The following ALG14 variants were observed in gnomAD, a reference collection of about 807,000 sequenced individuals.
ALG14 encodes the protein UDP-N-acetylglucosamine transferase subunit ALG14.
A neutral mutation model predicts 22.8 loss-of-function variants in ALG14; 17 were observed. The ratio of observed to expected loss-of-function variants is 0.75; its 90% CI spans 0.51 to 1.12. The LOEUF is 1.12. ALG14 is among the 50% of genes most tolerant of loss of function. The pLI, the probability that ALG14 is intolerant of heterozygous loss-of-function variation, is 0.00. For synonymous variants in ALG14, 89 were observed against 103.7 expected, an observed-to-expected ratio of 0.86 and a Z score of 0.86; for missense variants, 288 against 271.8, an observed-to-expected ratio of 1.06 and a Z score of -0.42.
chr1:95,026,592 G>A (rs936298911), intron 3 of ALG14, among the ~76,000 whole-genome samples: 5 of 151,938 alleles, frequency 3.3e-5, no homozygotes, highest in South Asian at 2.1e-4. Context: ...ATGTAAGCAC[G>A]ATTCACACTG....
intron 2 of ALG14, among the ~76,000 whole-genome samples, chr1:95,057,754 G>C (rs558113728): frequency 1.3e-5 from 2 of 151,578 alleles, no homozygotes; most frequent in African/African-American, 4.8e-5. Context: ...AAGAAAGATC[G>C]TAAGAGTCCA....
chr1:95,038,327 A>G (rs944569481), intron 2 of ALG14, among the ~76,000 whole-genome samples: 1 of 152,152 alleles, frequency 6.6e-6, no homozygotes, highest in Non-Finnish European at 1.5e-5. Flanking sequence ...TGTCTCTACT[A>G]AAAATACAAA....
At chr1:95,013,672 A>G (rs991417218) in intron 3 of ALG14, among the ~76,000 whole-genome samples, 4 of 152,102 alleles carry the variant, frequency 2.6e-5, no homozygotes, top group African/African-American at 4.8e-5. Flanking sequence ...GATATCTACA[A>G]TGTTTTGCCA....
In ALG14 at chr1:94,981,410, T is replaced by C. The variant is rs1418519261; in HGVS notation, c.*1666A>G. 1 of 150,612 alleles carries C rather than the reference T, an allele frequency of 6.6e-6. No individual in the cohort carries two copies. The allele number at this position is 150,612 out of a possible 1,614,324, so 9.3% of individuals were successfully genotyped here. A position where few individuals can be genotyped will look rare whatever the true frequency, so the allele number is the denominator to read the frequency against. Reference sequence around the variant, plus strand: ...CCTAGGAAGATGTCCGGCTGACAGATGCGCCTGTTACATGATTCAGAGAAG... The same window carrying C: ...CCTAGGAAGATGTCCGGCTGACAGACGCGCCTGTTACATGATTCAGAGAAG... On this transcript the variant is annotated 3_prime_UTR_variant, in exon 4 of 4. Coordinates refer to ENST00000370205, the MANE Select transcript of ALG14 (RefSeq NM_144988.4).
intron 3 of ALG14, among the ~76,000 whole-genome samples, chr1:94,989,633 G>A (rs1175004038): frequency 1.3e-5 from 2 of 152,190 alleles, no homozygotes; most frequent in African/African-American, 2.4e-5. Context: ...CAGCTGCAGC[G>A]TTCACTGTCC....
chr1:94,983,532 C>G (rs2100709649), intron 3 of ALG14: 1 of 532,932 alleles, frequency 1.9e-6, no homozygotes, highest in African/African-American at 1.9e-5. Context: ...CTGTGTGACT[C>G]AGGGCAAATC....
intron 2 of ALG14, among the ~76,000 whole-genome samples, chr1:95,030,202 C>A (rs968248153): frequency 2.6e-5 from 4 of 152,122 alleles, no homozygotes; most frequent in African/African-American, 9.7e-5. Context: ...ATATTAATAT[C>A]TCTGCAACAA....
intron 3 of ALG14, among the ~76,000 whole-genome samples, chr1:94,990,580 C>T (rs1178060015): frequency 1.3e-5 from 2 of 152,226 alleles, no homozygotes; most frequent in African/African-American, 4.8e-5. Context: ...TATACAACTA[C>T]ATCCATTCCA....
In ALG14 at chr1:95,005,773, T is replaced by C. The variant is rs116012205; in HGVS notation, c.420+21356A>G. On this transcript the variant is annotated intron_variant, in intron 3 of 3. Coordinates refer to ENST00000370205, the MANE Select transcript of ALG14 (RefSeq NM_144988.4). ...TAAGGGGAGCTTACAGGGGGATTTG[T>C]GTTTGTTATGGTGACTAAGGGGTGC... Among the ~76,000 whole-genome samples the C allele has an allele frequency of 8.0e-3, 1,219 of 152,276 alleles. 14 individuals are homozygous for C. Among genetic ancestry groups the C allele is most frequent in the African/African-American group, 0.028 (1,170 of 41,548 alleles).
intron 2 of ALG14, among the ~76,000 whole-genome samples, chr1:95,045,771 G>T (rs1674528103): frequency 7.2e-6 from 1 of 138,792 alleles, no homozygotes; most frequent in African/African-American, 2.7e-5. Context: ...TATACTAATA[G>T]AATGGCATAC....
intron 3 of ALG14, among the ~76,000 whole-genome samples, chr1:95,026,495 TGTGTGTGTATGTGTGTGTGA>T (rs1224597339): frequency 1.3e-4 from 20 of 152,014 alleles, no homozygotes; most frequent in African/African-American, 4.6e-4. Flanking sequence ...TGTGTGTGTG[TGTGTGTGTATGTGTGTGTGA>T]GACAGAGAGA....
chr1:94,995,840 T>C (rs1057069372), intron 3 of ALG14, among the ~76,000 whole-genome samples: 4 of 152,228 alleles, frequency 2.6e-5, no homozygotes, highest in African/African-American at 9.6e-5. Context: ...CCTTTAATTG[T>C]CCATCACACA....
chr1:95,069,033 C>T (rs1008076699), intron 1 of ALG14, among the ~76,000 whole-genome samples: 2 of 152,214 alleles, frequency 1.3e-5, no homozygotes, highest in Admixed American at 6.5e-5. Context: ...TCCAGTCAGA[C>T]TCCAGTCTCT....
At chr1:95,056,113 CAGAATAG>C (rs1674925118) in intron 2 of ALG14, among the ~76,000 whole-genome samples, 1 of 150,924 alleles carries the variant, frequency 6.6e-6, no homozygotes, top group Non-Finnish European at 1.5e-5. Context: ...AACCAGTTAA[CAGAATAG>C]AGAGCTAGGC....
chr1:95,020,907 A>G (rs1305026193), intron 3 of ALG14, among the ~76,000 whole-genome samples: 4 of 152,206 alleles, frequency 2.6e-5, no homozygotes, highest in Non-Finnish European at 5.9e-5. Context: ...TGAATTGTAC[A>G]CTGTAAAATG....
At chr1:95,023,921 T>C (rs1673735529) in intron 3 of ALG14, among the ~76,000 whole-genome samples, 3 of 152,214 alleles carry the variant, frequency 2.0e-5, no homozygotes, top group Admixed American at 2.0e-4. Context: ...TCCTCAAATA[T>C]GTGGAAGCTT....
chr1:95,049,260 C>T (rs899610177), intron 2 of ALG14, among the ~76,000 whole-genome samples: 1 of 152,074 alleles, frequency 6.6e-6, no homozygotes, highest in Non-Finnish European at 1.5e-5. Flanking sequence ...GGGGCAAGCA[C>T]AGTGGCTCAC....
At chr1:95,008,498 A>C (rs902458427) in intron 3 of ALG14, among the ~76,000 whole-genome samples, 9 of 152,330 alleles carry the variant, frequency 5.9e-5, no homozygotes, top group African/African-American at 1.9e-4. Context: ...GTTAGATGAA[A>C]TACAATTTTT....
chr1:95,006,140 G>A (rs1326109495), intron 3 of ALG14, among the ~76,000 whole-genome samples: 2 of 152,058 alleles, frequency 1.3e-5, no homozygotes, highest in African/African-American at 2.4e-5. Flanking sequence ...CGATGAACCC[G>A]GACTGGTCTG....
Sources: gnomAD v4.1 joint callset for allele counts (sites outside exome capture counted in the v4.1 genomes callset) on GRCh38, gnomAD v4.1.1 for gene constraint, MANE v1.5 for transcripts, NCBI Gene and HGNC (gene_info 2026-07-23, HGNC 2026-07-21) for gene names.